Variants in AJM1 observed in about 807,000 individuals in gnomAD.
AJM1 encodes the protein uncharacterized protein C9orf172.
Under a neutral mutation model 43.0 loss-of-function variants are expected in AJM1, and 22 were observed. The observed-to-expected ratio is 0.51, with a 90% CI of 0.37 to 0.73. The LOEUF (loss-of-function observed/expected upper bound fraction) is 0.73, where lower values mean the gene tolerates loss of function less well. Ranked by LOEUF, AJM1 falls within the 30% of genes least tolerant of loss-of-function variation. The pLI, the probability that AJM1 is intolerant of heterozygous loss-of-function variation, is 0.00. For synonymous variants in AJM1, 719 were observed against 638.3 expected (o/e 1.13, Z -1.91); for missense variants, 1,305 against 1,343.3 (o/e 0.97, Z 0.45).
chr9:136,842,766 G>A (rs1848720154), intron 1 of AJM1, among the ~76,000 whole-genome samples, 177 bp downstream of exon 1: 1 of 152,154 alleles, frequency 6.6e-6, no homozygotes, highest in African/African-American at 2.4e-5. Context: ...GGTGGGGAAG[G>A]CCGCCAGCCA....
rs1054805512 is a variant in AJM1 at position 136,845,848 on chromosome 9, G to C, written c.1434G>C (p.Arg478=). 14 of 1,558,906 alleles carry C rather than the reference G, an allele frequency of 9.0e-6. No individual in the cohort carries two copies. The highest frequency in any genetic ancestry group is 1.1e-5 in the Non-Finnish European group (13 of 1,154,584). Residue 478 remains arginine, a synonymous_variant, in exon 3 of 3, where the codon CGG becomes CGC. Coordinates refer to ENST00000436881, the MANE Select transcript of AJM1 (RefSeq NM_001080482.5). The part of the protein sequence containing the change: ...SYENLLGREV[R]EPRGVSPEGR... ...AGAACCTGCTGGGGCGCGAGGTGCGGGAGCCGCGAGGCGTGTCCCCCGAAG... is the reference window on the plus strand; with the variant it reads ...AGAACCTGCTGGGGCGCGAGGTGCGCGAGCCGCGAGGCGTGTCCCCCGAAG...
chr9:136,845,832 TG>T lies in AJM1; in HGVS notation c.1422del (p.Arg475AlafsTer20). On this transcript the variant is annotated frameshift_variant, in exon 3 of 3. Coordinates refer to ENST00000436881, the MANE Select transcript of AJM1 (RefSeq NM_001080482.5). LOFTEE classifies it high-confidence loss of function. ...LGRGRSYENL[L>X]GREVREPRGV... ...CGCGGCCGCAGCTACGAGAACCTGCTGGGGCGCGAGGTGCGGGAGCCGCGAG... is the reference window on the plus strand; with the variant it reads ...CGCGGCCGCAGCTACGAGAACCTGCTGGGCGCGAGGTGCGGGAGCCGCGAG... The T allele has an allele frequency of 6.4e-7, 1 of 1,561,398 alleles. No individual in the cohort carries two copies. Among genetic ancestry groups the T allele is most frequent in the Admixed American group, 1.9e-5 (1 of 53,468 alleles).
At position 136,845,338 on chromosome 9, in the gene AJM1, G is replaced by A. The variant is rs773580400; in HGVS notation, c.924G>A (p.Arg308=). 9.9e-6 allele frequency: 16 copies of A among 1,612,230 alleles called. No homozygotes were observed. In the African/African-American group the frequency reaches 1.7e-4, roughly 17 times the overall value. ...CAACCTTCGACGCCTACTACCCCAG[G>A]CCCTATCCGTCCGAGGAGCTCTCGG... ...PGPTFDAYYP[R]PYPSEELSGP... The change falls in exon 3 of 3, where the codon AGG becomes AGA. Residue 308 remains arginine, a synonymous_variant. Transcript: ENST00000436881.
In AJM1 at chr9:136,846,709, C is replaced by T; in HGVS notation, c.2295C>T (p.Phe765=). Residue 765 remains phenylalanine (F), a synonymous_variant, in exon 3 of 3, where the codon TTC becomes TTT. Transcript: ENST00000436881. The part of the protein sequence containing the change: ...GFPSPGSADN[F]LRFGLEGLLL... ...CAAGTCCAGGCTCGGCCGACAACTTCCTGCGCTTTGGCCTGGAGGGGCTGC... is the reference window on the plus strand; with the variant it reads ...CAAGTCCAGGCTCGGCCGACAACTTTCTGCGCTTTGGCCTGGAGGGGCTGC... The T allele has an allele frequency of 1.2e-6, 2 of 1,604,762 alleles. No individual in the cohort carries two copies.
chr9:136,847,327 G>A lies in AJM1; in HGVS notation c.2913G>A (p.Leu971=). ...RALDWVASAN[L]LDDIM is the part of the protein sequence containing the mutation. ...TCGACTGGGTGGCCAGCGCCAACCTGCTGGACGACATCATGTGAGGCGCCG... is the reference window on the plus strand; with the variant it reads ...TCGACTGGGTGGCCAGCGCCAACCTACTGGACGACATCATGTGAGGCGCCG... The change falls in exon 3 of 3, where the codon CTG becomes CTA. Residue 971 remains leucine, a synonymous_variant. Transcript: ENST00000436881. 1.3e-6 allele frequency: 2 copies of A among 1,525,218 alleles called. No individual in the cohort carries two copies. The highest frequency in any genetic ancestry group is 1.8e-6 in the Non-Finnish European group (2 of 1,139,996). 94.5% of individuals were successfully genotyped at this position (1,525,218 alleles called of 1,614,324 possible). A position where few individuals can be genotyped will look rare whatever the true frequency, so the allele number is the denominator to read the frequency against.
In AJM1 at chr9:136,844,364, C is replaced by G. The variant is rs1431333924; in HGVS notation, c.-51C>G. ...CCCGCGTCTCCCCCCAGGGCAAAAGCCCCGCAAGGCAGTGTGAGCTGGAGC... is the reference window on the plus strand; with the variant it reads ...CCCGCGTCTCCCCCCAGGGCAAAAGGCCCGCAAGGCAGTGTGAGCTGGAGC... On this transcript the variant is annotated 5_prime_UTR_variant, in exon 3 of 3. Coordinates refer to ENST00000436881, the MANE Select transcript of AJM1 (RefSeq NM_001080482.5). The G allele has an allele frequency of 4.7e-6, 7 of 1,489,230 alleles. No homozygotes were observed. The East Asian group carries it at 1.4e-4, about 30-fold the overall frequency. 92.3% of individuals were successfully genotyped at this position (1,489,230 alleles called of 1,614,324 possible).
rs1761172745 is a variant in AJM1, at chr9:136,845,924, G to A, written c.1510G>A (p.Ala504Thr). ...CCTGTCCACCTCTCCCAGACGCTAC[G>A]CCGCACTGTCCCTGTCCGAGACGTC... ...VNLSTSPRRY[A>T]ALSLSETSLT... The change falls in exon 3 of 3, where the codon GCC (alanine) becomes ACC (threonine). Residue 504 changes from alanine (A) to threonine (T), a missense_variant. Transcript: ENST00000436881. The A allele has an allele frequency of 1.3e-6, 2 of 1,556,010 alleles. No individual in the cohort carries two copies. The highest frequency in any genetic ancestry group is 1.4e-5 in the African/African-American group (1 of 73,298).
chr9:136,845,666 T>G lies in AJM1; in HGVS notation c.1252T>G (p.Ser418Ala). Residue 418 changes from serine to alanine, a missense_variant, in exon 3 of 3, where the codon TCT becomes GCT. Ser to Ala is a moderately conservative substitution (Grantham distance 99). This residue lies in a region of AJM1 where 653 missense variants were observed against 549.1 expected (regional missense o/e 1.19). Coordinates refer to ENST00000436881, the MANE Select transcript of AJM1 (RefSeq NM_001080482.5). ...PYRTLQVVPP[S>A]DPDPLLASWH... ...CCGCACCCTGCAAGTGGTGCCGCCC[T>G]CTGACCCCGACCCGTTGCTCGCCTC... The G allele has an allele frequency of 6.3e-7, 1 of 1,576,526 alleles. No individual in the cohort carries two copies. The highest frequency in any genetic ancestry group is 2.3e-5 in the East Asian group (1 of 43,326).
Position 136,846,544 on chromosome 9 carries a change from C to T in AJM1, c.2130C>T (p.Cys710=), listed in dbSNP as rs1848777694. 5.6e-6 allele frequency: 9 copies of T among 1,593,876 alleles called. No individual in the cohort carries two copies. The highest frequency in any genetic ancestry group is 2.2e-5 in the East Asian group (1 of 44,702). ...REDWDAHKAR[C]VYGRVGSVCR... ...ACTGGGACGCCCACAAGGCGCGCTG[C>T]GTGTACGGCCGCGTGGGCAGCGTGT... Residue 710 remains cysteine, a synonymous_variant, in exon 3 of 3, where the codon TGC becomes TGT. Transcript: ENST00000436881.
rs745964935 is a variant in AJM1 at position 136,846,365 on chromosome 9, G to C, written c.1951G>C (p.Ala651Pro). 9.8e-6 allele frequency: 14 copies of C among 1,433,886 alleles called. No individual in the cohort carries two copies. In the East Asian group the frequency reaches 4.0e-4, roughly 40 times the overall value. 88.8% of individuals were successfully genotyped at this position (1,433,886 alleles called of 1,614,324 possible). A position where few individuals can be genotyped will look rare whatever the true frequency, so the allele number is the denominator to read the frequency against. ...EPAAPGEAAD[A>P]SPEPSADEDD... ...CGCGGCCCCGGGAGAGGCGGCCGAC[G>C]CGTCCCCCGAACCCAGCGCCGACGA... Residue 651 changes from alanine (A) to proline (P), a missense_variant, in exon 3 of 3, where the codon GCG (alanine) becomes CCG (proline). This residue lies in a region of AJM1 where 391 missense variants were observed against 507.5 expected (regional missense o/e 0.77). Coordinates refer to ENST00000436881, the MANE Select transcript of AJM1 (RefSeq NM_001080482.5).
At position 136,847,558 on chromosome 9, in the gene AJM1, C is replaced by A; in HGVS notation, c.*213C>A. 1 of 474,922 alleles carries A rather than the reference C, an allele frequency of 2.1e-6. No individual in the cohort carries two copies. Among genetic ancestry groups the A allele is most frequent in the Non-Finnish European group, 3.7e-6 (1 of 272,604 alleles). 29.4% of individuals were successfully genotyped at this position (474,922 alleles called of 1,614,324 possible). A position where few individuals can be genotyped will look rare whatever the true frequency, so the allele number is the denominator to read the frequency against. On this transcript the variant is annotated 3_prime_UTR_variant, in exon 3 of 3. Coordinates refer to ENST00000436881, the MANE Select transcript of AJM1 (RefSeq NM_001080482.5). Reference sequence around the variant, plus strand: ...GCCCCCACCCCCCGGCCCTTCGTCCCCGTAGTGTTCCTCACAGGCCCTTCG... The same window carrying A: ...GCCCCCACCCCCCGGCCCTTCGTCCACGTAGTGTTCCTCACAGGCCCTTCG...
At chr9:136,842,801 G>A (rs1052372467) in intron 1 of AJM1, among the ~76,000 whole-genome samples, 2 of 152,128 alleles carry the variant, frequency 1.3e-5, no homozygotes, top group Non-Finnish European at 2.9e-5. Flanking sequence ...AGAAGGCCTT[G>A]GGCCCGGGAG....
In AJM1 at chr9:136,845,984, G is replaced by C; in HGVS notation, c.1570G>C (p.Gly524Arg). Residue 524 changes from glycine to arginine, a missense_variant, in exon 3 of 3, where the codon GGC becomes CGC. Physicochemically the swap from Gly to Arg is moderately radical, Grantham distance 125. Around this residue, in one of 6 missense-constraint regions of AJM1, gnomAD observed 653 missense variants for 549.1 expected, o/e 1.19. Transcript: ENST00000436881. ...TEKGRAGEGL[G>R]RNWYVTPEIT... ...GAAGGGCCGCGCGGGCGAGGGCCTGGGCCGCAACTGGTACGTGACGCCCGA... is the reference window on the plus strand; with the variant it reads ...GAAGGGCCGCGCGGGCGAGGGCCTGCGCCGCAACTGGTACGTGACGCCCGA... The C allele has an allele frequency of 6.4e-7, 1 of 1,553,208 alleles. No homozygotes were observed. Among genetic ancestry groups the C allele is most frequent in the South Asian group, 1.2e-5 (1 of 84,286 alleles).
Position 136,846,458 on chromosome 9 carries a change from T to G in AJM1, c.2044T>G (p.Tyr682Asp). 6.3e-7 allele frequency: 1 copy of G among 1,593,764 alleles called. No homozygotes were observed. The highest frequency in any genetic ancestry group is 8.5e-7 in the Non-Finnish European group (1 of 1,177,902). ...CGAGACCATGTTCAACGCCTGCCTC[T>G]ACTTCAAGTCCTGCCACAGCTGCTA... ...RTETMFNACL[Y>D]FKSCHSCYTY... The change falls in exon 3 of 3, where the codon TAC becomes GAC. Residue 682 changes from tyrosine to aspartate, a missense_variant. Physicochemically the swap from Tyr to Asp is radical, Grantham distance 160 (BLOSUM62 -3). Coordinates refer to ENST00000436881, the MANE Select transcript of AJM1 (RefSeq NM_001080482.5).
Position 136,846,386 on chromosome 9 carries a change from G to A in AJM1, c.1972G>A (p.Asp658Asn), listed in dbSNP as rs111677564. The A allele has an allele frequency of 2.0e-6, 3 of 1,525,234 alleles. No individual in the cohort carries two copies. The highest frequency in any genetic ancestry group is 1.2e-5 in the South Asian group (1 of 85,384). 94.5% of individuals were successfully genotyped at this position (1,525,234 alleles called of 1,614,324 possible). The change falls in exon 3 of 3, where the codon GAC becomes AAC. Residue 658 changes from aspartate to asparagine, a missense_variant. Physicochemically the swap from Asp to Asn is conservative, Grantham distance 23 (BLOSUM62 1). Around this residue, in one of 6 missense-constraint regions of AJM1, gnomAD observed 391 missense variants for 507.5 expected, o/e 0.77. Coordinates refer to ENST00000436881, the MANE Select transcript of AJM1 (RefSeq NM_001080482.5). ...AADASPEPSA[D>N]EDDLMTCSNA... ...CGACGCGTCCCCCGAACCCAGCGCC[G>A]ACGAGGACGACCTGATGACCTGCTC...
In AJM1 at chr9:136,846,428, C is replaced by T; in HGVS notation, c.2014C>T (p.Arg672Cys). The stretch of plus-strand genomic sequence containing the variant: ...GACCTGCTCCAATGCGCGCTGCCGG[C>T]GCACCGAGACCATGTTCAACGCCTG... The part of the protein sequence containing the change: ...LMTCSNARCR[R>C]TETMFNACLY... Residue 672 changes from arginine to cysteine, a missense_variant, in exon 3 of 3, where the codon CGC (arginine) becomes TGC (cysteine). Arg to Cys is a radical substitution (Grantham distance 180). Coordinates refer to ENST00000436881, the MANE Select transcript of AJM1 (RefSeq NM_001080482.5). 1 of 1,591,786 alleles carries T rather than the reference C, an allele frequency of 6.3e-7. No homozygotes were observed. Among genetic ancestry groups the T allele is most frequent in the Non-Finnish European group, 8.5e-7 (1 of 1,177,390 alleles).
rs1848798467 is a variant in AJM1, at chr9:136,847,595, C to T, written c.*250C>T. On this transcript the variant is annotated 3_prime_UTR_variant, in exon 3 of 3. Transcript: ENST00000436881. Reference sequence around the variant, plus strand: ...TCACAGGCCCTTCGCCTTCCCACCCCCAGCAACCCCTCTCCCTCCTCCGGG... The same window carrying T: ...TCACAGGCCCTTCGCCTTCCCACCCTCAGCAACCCCTCTCCCTCCTCCGGG... 2 of 402,470 alleles carry T rather than the reference C, an allele frequency of 5.0e-6. No individual in the cohort carries two copies. The highest frequency in any genetic ancestry group is 1.2e-3 in the Middle Eastern group (2 of 1,604). 24.9% of individuals were successfully genotyped at this position (402,470 alleles called of 1,614,324 possible). A position where few individuals can be genotyped will look rare whatever the true frequency, so the allele number is the denominator to read the frequency against.
At chr9:136,843,639 AT>A (rs1276163121) in intron 1 of AJM1, among the ~76,000 whole-genome samples, 2 of 152,112 alleles carry the variant, frequency 1.3e-5, no homozygotes, top group Non-Finnish European at 2.9e-5. Context: ...GGAAAGGGAG[AT>A]TTAGGGCCCG....
Position 136,845,818 on chromosome 9 carries a change from C to T in AJM1, c.1404C>T (p.Ser468=), listed in dbSNP as rs1254796777. ...AAGACCCGTTGGGCCGCGGCCGCAGCTACGAGAACCTGCTGGGGCGCGAGG... is the reference window on the plus strand; with the variant it reads ...AAGACCCGTTGGGCCGCGGCCGCAGTTACGAGAACCTGCTGGGGCGCGAGG... ...RREDPLGRGR[S]YENLLGREVR... is the part of the protein sequence containing the mutation. Residue 468 remains serine (S), a synonymous_variant, in exon 3 of 3, where the codon AGC becomes AGT. Transcript: ENST00000436881. The T allele has an allele frequency of 6.4e-7, 1 of 1,565,510 alleles. No homozygotes were observed. The highest frequency in any genetic ancestry group is 1.2e-5 in the South Asian group (1 of 86,014).
Sources: gnomAD v4.1 joint callset for allele counts (sites outside exome capture counted in the v4.1 genomes callset) on GRCh38, gnomAD v4.1.1 for gene constraint, gnomAD v4.1.1 regional missense constraint, MANE v1.5 for transcripts, NCBI Gene and HGNC (gene_info 2026-07-23, HGNC 2026-07-21) for gene names.